ZCCHC14: variants seen among roughly 807,000 people sequenced by gnomAD.
ZCCHC14 encodes the protein zinc finger CCHC domain-containing protein 14.
ZCCHC14 carries 16 observed loss-of-function variants against 85.0 expected under a neutral mutation model. The ratio of observed to expected loss-of-function variants is 0.19; its 90% CI spans 0.13 to 0.29. ZCCHC14 has a LOEUF of 0.29. Among genes scored for constraint, ZCCHC14 ranks in the 10% least tolerant of loss-of-function variants. The pLI is 1.00. For synonymous variants in ZCCHC14, 775 were observed against 630.7 expected (o/e 1.23, Z -3.43); for missense variants, 1,303 against 1,443.5 (o/e 0.90, Z 1.58).
intron 7 of ZCCHC14, chr16:87,418,002 G>A: frequency 2.1e-6 from 1 of 482,960 alleles, no homozygotes; most frequent in East Asian, 3.0e-5. Context: ...ACACACACAT[G>A]CCTCTGCCCG....
Position 87,477,120 on chromosome 16 carries a change from C to CAAAAAAAAAAAAAAA in ZCCHC14, c.570+14534_570+14548dup, listed in dbSNP as rs769416913. Among the ~76,000 whole-genome samples, 14 of 40,622 alleles carry CAAAAAAAAAAAAAAA rather than the reference C, an allele frequency of 3.4e-4. 2 individuals carry two copies. Among genetic ancestry groups the CAAAAAAAAAAAAAAA allele is most frequent in the African/African-American group, 1.3e-3 (9 of 7,006 alleles). The allele number at this position is 40,622 out of a possible 152,430, so 26.6% of individuals were successfully genotyped here. A position where few individuals can be genotyped will look rare whatever the true frequency, so the allele number is the denominator to read the frequency against. On this transcript the variant is annotated intron_variant, in intron 1 of 12. Coordinates refer to ENST00000671377, the MANE Select transcript of ZCCHC14 (RefSeq NM_015144.3). ...AGCCTGACAGAGAGAGACTCAGTCT[C>CAAAAAAAAAAAAAAA]AAAAAAAAAAAAAAAAAAAAACAAA...
chr16:87,429,177 C>A (rs1021692630), intron 3 of ZCCHC14, among the ~76,000 whole-genome samples: 2 of 152,192 alleles, frequency 1.3e-5, no homozygotes, highest in South Asian at 2.1e-4. Context: ...CTAGCTCCCC[C>A]ACACCGCAGC....
chr16:87,423,093 AGCTGACT>A (rs760556129), intron 4 of ZCCHC14, among the ~76,000 whole-genome samples: 3 of 152,264 alleles, frequency 2.0e-5, no homozygotes, highest in Non-Finnish European at 4.4e-5. Flanking sequence ...CCATTCACAA[AGCTGACT>A]GCCTGAGAGG....
intron 2 of ZCCHC14, among the ~76,000 whole-genome samples, chr16:87,446,888 T>C (rs1597426819): frequency 1.3e-5 from 2 of 151,956 alleles, no homozygotes; most frequent in South Asian, 4.2e-4. Context: ...GGTTTCACCA[T>C]GTTGGCCACG....
rs548414794 is a variant in ZCCHC14, at chr16:87,468,040, C to T, written c.571-7909G>A. Among the ~76,000 whole-genome samples, 6 of 152,278 alleles carry T rather than the reference C, an allele frequency of 3.9e-5. No individual in the cohort carries two copies. The East Asian group carries it at 7.7e-4, about 20-fold the overall frequency. ...GCGTGAGCCACCGCGCCTGGCCCAA[C>T]GGTTTTTTCTAATGGCTATTTCAAG... On this transcript the variant is annotated intron_variant, in intron 1 of 12. Transcript: ENST00000671377.
rs1433087854 is a variant in ZCCHC14, at chr16:87,407,428, TTA to T, written c.*2850_*2851del. The T allele has an allele frequency of 2.6e-5, 4 of 152,262 alleles. No individual in the cohort carries two copies. In the East Asian group the frequency reaches 7.7e-4, roughly 29 times the overall value. 9.4% of individuals were successfully genotyped at this position (152,262 alleles called of 1,614,324 possible). ...CTCAGTGCTCTTTAGCAATGAGTTT[TTA>T]TGTTAAACACTTCCAACTGTCAGTA... is the stretch of plus-strand genomic sequence containing the variant. On this transcript the variant is annotated 3_prime_UTR_variant, in exon 13 of 13. Transcript: ENST00000671377.
intron 10 of ZCCHC14, among the ~76,000 whole-genome samples, chr16:87,413,469 C>T (rs1283606837): frequency 6.6e-6 from 1 of 152,200 alleles, no homozygotes; most frequent in Non-Finnish European, 1.5e-5. Flanking sequence ...CCCAGCGCAC[C>T]CCCAGGAACT....
At chr16:87,416,483 C>T (rs894768830) in intron 8 of ZCCHC14, among the ~76,000 whole-genome samples, 4 of 152,026 alleles carry the variant, frequency 2.6e-5, no homozygotes, top group African/African-American at 4.8e-5. Flanking sequence ...CTTGGCCAGG[C>T]GCGGTGGCTC....
chr16:87,446,133 C>T (rs537006974), intron 2 of ZCCHC14, among the ~76,000 whole-genome samples: 1 of 148,838 alleles, frequency 6.7e-6, no homozygotes, highest in Non-Finnish European at 1.5e-5. Flanking sequence ...CGCCATTGCA[C>T]TCCAACCTGG....
In ZCCHC14 at chr16:87,436,117, G is replaced by A. The variant is rs114057616; in HGVS notation, c.695-2916C>T. Among the ~76,000 whole-genome samples the A allele has an allele frequency of 3.0e-3, 449 of 152,182 alleles. 3 individuals carry two copies. The highest frequency in any genetic ancestry group is 9.8e-3 in the African/African-American group (408 of 41,518). Reference sequence around the variant, plus strand: ...ATGTCCCAGGACTGAATAATATTAGGGTTTATGAAAAAAGTAAAAGGAAAA... The same window carrying A: ...ATGTCCCAGGACTGAATAATATTAGAGTTTATGAAAAAAGTAAAAGGAAAA... On this transcript the variant is annotated intron_variant, in intron 2 of 12. Coordinates refer to ENST00000671377, the MANE Select transcript of ZCCHC14 (RefSeq NM_015144.3).
intron 9 of ZCCHC14, 94 bp from the exon 10 acceptor site, chr16:87,414,635 C>T (rs1047917825): frequency 1.2e-4 from 184 of 1,485,162 alleles, no homozygotes; most frequent in Non-Finnish European, 1.5e-4. Flanking sequence ...CACCACAGGG[C>T]GGCTTTGATA....
chr16:87,416,177 C>G (rs902831980), intron 8 of ZCCHC14, among the ~76,000 whole-genome samples: 1 of 151,962 alleles, frequency 6.6e-6, no homozygotes, highest in Non-Finnish European at 1.5e-5. Context: ...CCACCTGCCT[C>G]GGCCTCCCAA....
At chr16:87,434,612 T>C (rs1909823196) in intron 2 of ZCCHC14, among the ~76,000 whole-genome samples, 2 of 152,342 alleles carry the variant, frequency 1.3e-5, no homozygotes, top group East Asian at 1.9e-4. Flanking sequence ...CCTGGTCTCC[T>C]GCACCACCGT....
intron 1 of ZCCHC14, among the ~76,000 whole-genome samples, chr16:87,460,954 G>T (rs1911227643): frequency 6.6e-6 from 1 of 152,212 alleles, no homozygotes; most frequent in Admixed American, 6.5e-5. Flanking sequence ...CCATTTCTAG[G>T]AATTCACCAT....
At chr16:87,413,988 T>C (rs892118731) in intron 10 of ZCCHC14, among the ~76,000 whole-genome samples, 3 of 152,220 alleles carry the variant, frequency 2.0e-5, no homozygotes, top group East Asian at 1.9e-4. Context: ...GCAGAGACTA[T>C]AATAGTTAAT....
In ZCCHC14 at chr16:87,430,976, C is replaced by G. The variant is rs906965395; in HGVS notation, c.768+2152G>C. 9.2e-5 allele frequency among the ~76,000 whole-genome samples: 14 copies of G among 151,352 alleles called. 1 individual carries two copies. The East Asian group carries it at 1.4e-3, about 15-fold the overall frequency. On this transcript the variant is annotated intron_variant, in intron 3 of 12. Transcript: ENST00000671377. ...ACAACACGGTGAAACCCTATCTCCA[C>G]AAAAGTACAAAAAATTAGCTGGGTA... is the stretch of plus-strand genomic sequence containing the variant.
intron 1 of ZCCHC14, among the ~76,000 whole-genome samples, chr16:87,487,823 G>A (rs1041756941): frequency 6.6e-6 from 1 of 152,222 alleles, no homozygotes; most frequent in African/African-American, 2.4e-5. Context: ...AGGAAGTGCT[G>A]ACACACCCAC....
At chr16:87,468,589 C>T (rs200225820) in intron 1 of ZCCHC14, among the ~76,000 whole-genome samples, 1 of 152,202 alleles carries the variant, frequency 6.6e-6, no homozygotes, top group Admixed American at 6.5e-5. Flanking sequence ...GGTTCAAACC[C>T]CTTCCCCCGT....
intron 1 of ZCCHC14, among the ~76,000 whole-genome samples, chr16:87,483,484 C>T (rs1433750927): frequency 6.6e-6 from 1 of 151,880 alleles, no homozygotes; most frequent in Non-Finnish European, 1.5e-5. Flanking sequence ...GAGTGAGACT[C>T]TGTCTCAAAT....
Sources: gnomAD v4.1 joint callset for allele counts (sites outside exome capture counted in the v4.1 genomes callset) on GRCh38, gnomAD v4.1.1 for gene constraint, MANE v1.5 for transcripts, NCBI Gene and HGNC (gene_info 2026-07-23, HGNC 2026-07-21) for gene names.